The following PNLDC1 variants were observed in gnomAD, a reference collection of about 807,000 sequenced individuals.
PNLDC1 encodes poly(A)-specific ribonuclease PNLDC1.
PNLDC1 carries 70 observed loss-of-function variants against 82.0 expected under a neutral mutation model. The observed-to-expected ratio is 0.85, with a 90% CI of 0.70 to 1.04. PNLDC1 has a LOEUF of 1.04. Ranked by LOEUF, PNLDC1 falls within the 50% of genes least tolerant of loss-of-function variation. The pLI is 0.00. For synonymous variants in PNLDC1, 280 were observed against 249.3 expected, an observed-to-expected ratio of 1.12 and a Z score of -1.16; for missense variants, 631 against 661.1, an observed-to-expected ratio of 0.95 and a Z score of 0.50.
rs143757501 is a variant in PNLDC1 at position 159,806,094 on chromosome 6, C to G, written c.562+11C>G. 1.6e-3 allele frequency: 2,603 copies of G among 1,600,358 alleles called. 29 individuals carry two copies. In the African/African-American group the frequency reaches 0.027, roughly 16 times the overall value. The stretch of plus-strand genomic sequence containing the variant: ...TTCCTGGGATCACTGGTAGGCAGGG[C>G]CTGTTCCTCCCAACGCAGGAGCATT... On this transcript the variant is annotated intron_variant, in intron 7 of 18. Transcript: ENST00000392167.
At chr6:159,820,198 G>A (rs1781990780) in intron 18 of PNLDC1, among the ~76,000 whole-genome samples, 3 of 152,186 alleles carry the variant, frequency 2.0e-5, no homozygotes, top group South Asian at 2.1e-4. Context: ...CGGGTTAGGG[G>A]CACATCCGTT....
At chr6:159,813,802 T>C (rs1172633177) in intron 12 of PNLDC1, 146 bp downstream of exon 12, 2 of 696,190 alleles carry the variant, frequency 2.9e-6, no homozygotes, top group East Asian at 5.1e-5. Flanking sequence ...TCCTGCTTCA[T>C]GGCCCCCTTC....
Position 159,819,400 on chromosome 6 carries a change from C to T in PNLDC1, c.1532+48C>T, listed in dbSNP as rs1260753629. The T allele has an allele frequency of 4.6e-6, 7 of 1,533,390 alleles. No homozygotes were observed. The highest frequency in any genetic ancestry group is 6.3e-6 in the Non-Finnish European group (7 of 1,118,590). The allele number at this position is 1,533,390 out of a possible 1,614,324, so 95.0% of individuals were successfully genotyped here. On this transcript the variant is annotated intron_variant, in intron 18 of 18. Transcript: ENST00000392167. This position sits in a 1 kb window ranked among gnomAD's most constrained non-coding sequence, Gnocchi z 4.6. ...CTGCCTGTCCTGGGGTCCTGGAGTGCCCGGGGTCCCAGCATCCCAGCATGG... is the reference window on the plus strand; with the variant it reads ...CTGCCTGTCCTGGGGTCCTGGAGTGTCCGGGGTCCCAGCATCCCAGCATGG...
chr6:159,808,101 T>TTTTAG (rs1246435170), intron 7 of PNLDC1, among the ~76,000 whole-genome samples: 5 of 151,860 alleles, frequency 3.3e-5, no homozygotes, highest in African/African-American at 1.2e-4. Context: ...TTTAGTAGAG[T>TTTTAG]CAGGGTTTCA....
chr6:159,814,963 G>A (rs1177976586), intron 12 of PNLDC1, among the ~76,000 whole-genome samples: 1 of 152,104 alleles, frequency 6.6e-6, no homozygotes, highest in Non-Finnish European at 1.5e-5. Flanking sequence ...CGACGACGAC[G>A]CCTGTTTTAC....
intron 6 of PNLDC1, chr6:159,805,716 A>G: frequency 4.8e-6 from 2 of 419,192 alleles, no homozygotes; most frequent in Non-Finnish European, 8.9e-6. Context: ...CTAGATACCA[A>G]TAGCTTTTCC....
In PNLDC1 at chr6:159,816,176, C is replaced by T. The variant is rs371479450; in HGVS notation, c.1060+143C>T. ...CCCCACCCCCCCACACCCCTCCCCT[C>T]CCCCCCACCTCTCCCCCTGCCCCGC... On this transcript the variant is annotated intron_variant, in intron 13 of 18. Transcript: ENST00000392167. 418 of 479,556 alleles carry T rather than the reference C, an allele frequency of 8.7e-4. 2 individuals carry two copies. Among genetic ancestry groups the T allele is most frequent in the Non-Finnish European group, 1.3e-3 (352 of 266,282 alleles). 29.7% of individuals were successfully genotyped at this position (479,556 alleles called of 1,614,324 possible).
intron 15 of PNLDC1, among the ~76,000 whole-genome samples, chr6:159,818,334 G>A (rs1781906522): frequency 6.6e-6 from 1 of 152,194 alleles, no homozygotes; most frequent in African/African-American, 2.4e-5. Flanking sequence ...AGCAGATGGT[G>A]ACTGTCTGGA....
chr6:159,802,643 C>T (rs941605595), intron 3 of PNLDC1, among the ~76,000 whole-genome samples: 1 of 152,200 alleles, frequency 6.6e-6, no homozygotes, highest in African/African-American at 2.4e-5. Context: ...TGCAGGGGCA[C>T]GATCTTGGCT....
rs114236267 is a variant in PNLDC1 at position 159,807,381 on chromosome 6, G to A, written c.562+1298G>A. ...TGCACTCCAGCCTGAGCAACACAAT[G>A]AGACTCTGTTTCAAAGGAAAAAAAA... On this transcript the variant is annotated intron_variant, in intron 7 of 18. Coordinates refer to ENST00000392167, the MANE Select transcript of PNLDC1 (RefSeq NM_001271862.2). Among the ~76,000 whole-genome samples the A allele has an allele frequency of 5.7e-3, 830 of 144,720 alleles. 9 individuals carry two copies. Among genetic ancestry groups the A allele is most frequent in the African/African-American group, 0.02 (799 of 40,692 alleles). 94.9% of individuals were successfully genotyped at this position (144,720 alleles called of 152,430 possible). A position where few individuals can be genotyped will look rare whatever the true frequency, so the allele number is the denominator to read the frequency against.
intron 12 of PNLDC1, among the ~76,000 whole-genome samples, chr6:159,814,332 C>T (rs1294736160): frequency 1.3e-5 from 2 of 152,158 alleles, no homozygotes; most frequent in Non-Finnish European, 1.5e-5. Flanking sequence ...TTCGTGTTCT[C>T]TACCTGTCTC....
intron 12 of PNLDC1, 48 bp from the exon 13 acceptor site, chr6:159,815,921 G>A (rs1489354029): frequency 3.5e-6 from 5 of 1,442,796 alleles, no homozygotes; most frequent in Non-Finnish European, 3.9e-6. Flanking sequence ...TACAAGAAGG[G>A]ATTACTTTCA....
chr6:159,801,557 G>A (rs1213507576), intron 3 of PNLDC1, among the ~76,000 whole-genome samples: 18 of 151,896 alleles, frequency 1.2e-4, no homozygotes, highest in Admixed American at 1.1e-3. Context: ...AGTGATACTA[G>A]CACGTCAGCC....
chr6:159,804,645 C>T lies in PNLDC1; in HGVS notation c.461+8C>T. On this transcript the variant is annotated splice_region_variant and intron_variant, in intron 6 of 18. Transcript: ENST00000392167. Reference sequence around the variant, plus strand: ...GAACTGGAGAGTTCGCAGGTATGGCCTGTTTCTCCAGGTGCCTTTTTGTTT... The same window carrying T: ...GAACTGGAGAGTTCGCAGGTATGGCTTGTTTCTCCAGGTGCCTTTTTGTTT... 1.3e-6 allele frequency: 2 copies of T among 1,586,728 alleles called. No individual in the cohort carries two copies. The highest frequency in any genetic ancestry group is 1.7e-6 in the Non-Finnish European group (2 of 1,157,306).
In PNLDC1 at chr6:159,815,957, C is replaced by T. The variant is rs766582105; in HGVS notation, c.996-12C>T. The T allele has an allele frequency of 1.2e-6, 2 of 1,608,614 alleles. No individual in the cohort carries two copies. Among genetic ancestry groups the T allele is most frequent in the Non-Finnish European group, 1.7e-6 (2 of 1,176,206 alleles). On this transcript the variant is annotated splice_polypyrimidine_tract_variant and intron_variant, in intron 12 of 18. Transcript: ENST00000392167. ...GCAAATTGTTTTTTATTCTATTTTT[C>T]TTTTCCAATAGTGACTTGAATCCCA...
At position 159,820,460 on chromosome 6, in the gene PNLDC1, T is replaced by C; in HGVS notation, c.1539T>C (p.Cys513=). 1 of 1,614,124 alleles carries C rather than the reference T, an allele frequency of 6.2e-7. No individual in the cohort carries two copies. The highest frequency in any genetic ancestry group is 8.5e-7 in the Non-Finnish European group (1 of 1,180,030). ...SPNVNCLLQV[C]GIVTAWALLA... ...ACGTGTCATTGTCTTGCAGAGTCTG[T>C]GGCATAGTGACTGCCTGGGCCCTTC... The change falls in exon 19 of 19, where the codon TGT becomes TGC. Residue 513 remains cysteine (C), a synonymous_variant. Transcript: ENST00000392167.
At chr6:159,820,403 C>T (rs1189882280) in intron 18 of PNLDC1, 51 bp from the exon 19 acceptor site, 1 of 1,589,810 alleles carries the variant, frequency 6.3e-7, no homozygotes, top group African/African-American at 1.3e-5. Context: ...GTGTCGGTGC[C>T]TCTCGGCCTG....
intron 16 of PNLDC1, 44 bp from the exon 17 acceptor site, chr6:159,818,902 A>G (rs752882040): frequency 1.9e-6 from 3 of 1,591,920 alleles, no homozygotes; most frequent in Non-Finnish European, 1.7e-6. Flanking sequence ...ATAAGAAGTC[A>G]GGAAGAACTG....
chr6:159,817,606 A>G (rs965216999), intron 15 of PNLDC1, among the ~76,000 whole-genome samples: 2 of 152,232 alleles, frequency 1.3e-5, no homozygotes, highest in East Asian at 1.9e-4. Flanking sequence ...GGAACCCCAC[A>G]TTGGAATCTT....
Sources: allele counts gnomAD v4.1 joint callset (sites outside exome capture counted in the v4.1 genomes callset), GRCh38; gene constraint gnomAD v4.1.1; non-coding constraint Gnocchi (gnomAD v3.1); transcripts MANE v1.5; gene names NCBI Gene and HGNC (gene_info 2026-07-23, HGNC 2026-07-21).